CYTH3: variants seen among roughly 807,000 people sequenced by gnomAD.
CYTH3 encodes cytohesin-3.
Under a neutral mutation model 55.1 loss-of-function variants are expected in CYTH3, and 23 were observed. The ratio of observed to expected loss-of-function variants is 0.42; its 90% CI spans 0.30 to 0.59. The LOEUF (loss-of-function observed/expected upper bound fraction) is 0.59. Ranked by LOEUF, CYTH3 falls within the 20% of genes least tolerant of loss-of-function variation. The probability of loss-of-function intolerance (pLI) is 0.20; values close to 1 mark genes in which losing one functional copy is unlikely to be tolerated. For synonymous variants in CYTH3, 249 were observed against 194.9 expected (o/e 1.28, Z -2.31); for missense variants, 413 against 524.8 (o/e 0.79, Z 2.08).
Position 6,194,881 on chromosome 7 carries a change from G to A in CYTH3, c.35-4350C>T, listed in dbSNP as rs370999930. On this transcript the variant is annotated intron_variant, in intron 1 of 12. Transcript: ENST00000350796. ...TCCCAGCTACTCGGGAGGCTGAGGC[G>A]GGAGAATCACTTGAACCCAGGAGGT... Among the ~76,000 whole-genome samples, 589 of 151,632 alleles carry A rather than the reference G, an allele frequency of 3.9e-3. 5 individuals are homozygous for A. The highest frequency in any genetic ancestry group is 0.014 in the African/African-American group (566 of 41,306).
At position 6,241,755 on chromosome 7, in the gene CYTH3, G is replaced by C. The variant is rs959431860; in HGVS notation, c.34+30719C>G. On this transcript the variant is annotated intron_variant, in intron 1 of 12. Coordinates refer to ENST00000350796, the MANE Select transcript of CYTH3 (RefSeq NM_004227.4). ...GTTGCAGTGGGGAGGGAAAGAAAGG[G>C]CTAGAACAAGGCCTAGAGTACAGGA... 2.6e-5 allele frequency among the ~76,000 whole-genome samples: 4 copies of C among 152,086 alleles called. No individual in the cohort carries two copies. The East Asian group carries it at 7.7e-4, about 29-fold the overall frequency.
In CYTH3 at chr7:6,170,693, T is replaced by C. The variant is rs374212436; in HGVS notation, c.712-47A>G. On this transcript the variant is annotated intron_variant, in intron 8 of 12. Coordinates refer to ENST00000350796, the MANE Select transcript of CYTH3 (RefSeq NM_004227.4). This position sits in a 1 kb window ranked among gnomAD's most constrained non-coding sequence, Gnocchi z 7.8. Reference sequence around the variant, plus strand: ...GCCAGTTCAGAGACTCGGAGGAAAATGGCTGGCCGGGCAGAAAGCTCAGCG... The same window carrying C: ...GCCAGTTCAGAGACTCGGAGGAAAACGGCTGGCCGGGCAGAAAGCTCAGCG... 4.0e-5 allele frequency: 64 copies of C among 1,592,714 alleles called. 3 individuals carry two copies. Among genetic ancestry groups the C allele is most frequent in the East Asian group, 2.9e-4 (13 of 44,138 alleles).
At chr7:6,208,565 C>T (rs1057498895) in intron 1 of CYTH3, among the ~76,000 whole-genome samples, 13 of 152,164 alleles carry the variant, frequency 8.5e-5, no homozygotes, top group South Asian at 2.1e-4. Context: ...TTGAGAGGTG[C>T]GGCAGGATCT....
chr7:6,165,138 C>G (rs768093083), intron 12 of CYTH3, 122 bp from the exon 13 acceptor site: 11 of 1,557,350 alleles, frequency 7.1e-6, no homozygotes, highest in Non-Finnish European at 9.6e-6. Context: ...TCGGCTTTGG[C>G]AGCCCGGCCC....
chr7:6,267,534 T>C (rs969074540), intron 1 of CYTH3, among the ~76,000 whole-genome samples: 19 of 152,212 alleles, frequency 1.2e-4, no homozygotes, highest in Admixed American at 2.0e-4. Flanking sequence ...TCCCAGAATA[T>C]TTTGTTTGTT....
At chr7:6,264,272 A>T (rs1317256640) in intron 1 of CYTH3, among the ~76,000 whole-genome samples, 2 of 151,122 alleles carry the variant, frequency 1.3e-5, no homozygotes, top group African/African-American at 4.9e-5. Flanking sequence ...CAAAAAGGAG[A>T]CCTGTACATT....
chr7:6,263,634 A>G (rs896475820), intron 1 of CYTH3, among the ~76,000 whole-genome samples: 1 of 151,612 alleles, frequency 6.6e-6, no homozygotes, highest in Non-Finnish European at 1.5e-5. Context: ...TGTCTCTACT[A>G]AAAATACTAA....
intron 1 of CYTH3, among the ~76,000 whole-genome samples, chr7:6,192,859 C>A (rs921165551): frequency 6.6e-6 from 1 of 151,784 alleles, no homozygotes; most frequent in Non-Finnish European, 1.5e-5. Context: ...AAAGACATAA[C>A]AACTCCGTGC....
intron 1 of CYTH3, among the ~76,000 whole-genome samples, chr7:6,214,892 T>C (rs1321054602): frequency 3.3e-5 from 5 of 152,132 alleles, no homozygotes; most frequent in African/African-American, 9.7e-5. Flanking sequence ...TGCCTAGTCA[T>C]ACTCTTAGTA....
At chr7:6,269,122 G>A (rs1025621145) in intron 1 of CYTH3, among the ~76,000 whole-genome samples, 8 of 152,094 alleles carry the variant, frequency 5.3e-5, no homozygotes, top group African/African-American at 7.2e-5. Flanking sequence ...AATCCCAGCC[G>A]GAAGCCAGCT....
intron 1 of CYTH3, among the ~76,000 whole-genome samples, chr7:6,225,643 A>C (rs1779229958): frequency 6.6e-6 from 1 of 150,962 alleles, no homozygotes; most frequent in Admixed American, 6.6e-5. Context: ...GGTATGAGCC[A>C]CCGAGCATGG....
At position 6,170,579 on chromosome 7, in the gene CYTH3, T is replaced by TG; in HGVS notation, c.778dup (p.His260ProfsTer32). 6.2e-7 allele frequency: 1 copy of TG among 1,613,924 alleles called. No individual in the cohort carries two copies. Among genetic ancestry groups the TG allele is most frequent in the Non-Finnish European group, 8.5e-7 (1 of 1,179,874 alleles). On this transcript the variant is annotated frameshift_variant, in exon 9 of 13. Coordinates refer to ENST00000350796, the MANE Select transcript of CYTH3 (RefSeq NM_004227.4). LOFTEE classifies it high-confidence loss of function. This position sits in a 1 kb window ranked among gnomAD's most constrained non-coding sequence, Gnocchi z 7.8. ...CTCGCGGTCGGGGTTGAAGAAGGTGTGGGTCAGGTCGTTCCCGTCGTCCTC... is the reference window on the plus strand; with the variant it reads ...CTCGCGGTCGGGGTTGAAGAAGGTGTGGGGTCAGGTCGTTCCCGTCGTCCTC...
At position 6,165,549 on chromosome 7, in the gene CYTH3, T is replaced by C; in HGVS notation, c.968A>G (p.Lys323Arg). Residue 323 changes from lysine to arginine, a missense_variant, in exon 11 of 13, where the codon AAA becomes AGA. By Grantham distance (26) the Lys-to-Arg change is conservative. Transcript: ENST00000350796. The stretch of plus-strand genomic sequence containing the variant: ...GGTTCAGGAGGAAGAGCTTACGGGT[T>C]TCCGGGGGTCCTCCACCTCCCTGAT... ...LSIREVEDPR[K>R]PNCFELYNPS... The C allele has an allele frequency of 6.2e-7, 1 of 1,613,916 alleles. No homozygotes were observed. The highest frequency in any genetic ancestry group is 8.5e-7 in the Non-Finnish European group (1 of 1,179,892).
chr7:6,167,635 T>G lies in CYTH3; in HGVS notation c.824-1825A>C, dbSNP rs1783052594. Among the ~76,000 whole-genome samples, 1 of 152,206 alleles carries G rather than the reference T, an allele frequency of 6.6e-6. No homozygotes were observed. The highest frequency in any genetic ancestry group is 2.1e-4 in the South Asian group (1 of 4,830). ...CACTGCACTCAGCTTTAAACCCAAC[T>G]CCTTGGGCGGCAGCAGGGGCTGCCC... On this transcript the variant is annotated intron_variant, in intron 9 of 12. Coordinates refer to ENST00000350796, the MANE Select transcript of CYTH3 (RefSeq NM_004227.4). The surrounding 1 kb of genome is among the most constrained non-coding windows in gnomAD (Gnocchi z 5.5).
At position 6,223,157 on chromosome 7, in the gene CYTH3, C is replaced by G. The variant is rs548012860; in HGVS notation, c.35-32626G>C. On this transcript the variant is annotated intron_variant, in intron 1 of 12. Transcript: ENST00000350796. ...GAGGAGCGCCTCTGCCCGGCCGCCC[C>G]GTCTGGGAGGTGGGGGGCGCCTCTG... Among the ~76,000 whole-genome samples the G allele has an allele frequency of 3.3e-3, 505 of 152,112 alleles. 9 individuals are homozygous for G. The highest frequency in any genetic ancestry group is 2.2e-3 in the Non-Finnish European group (148 of 67,998).
At chr7:6,193,203 G>C (rs1026541406) in intron 1 of CYTH3, among the ~76,000 whole-genome samples, 1 of 151,626 alleles carries the variant, frequency 6.6e-6, no homozygotes, top group Non-Finnish European at 1.5e-5. Flanking sequence ...CAAATGACTT[G>C]CATAGGCACA....
chr7:6,170,819 G>C lies in CYTH3; in HGVS notation c.711+11C>G, dbSNP rs1215268176. 6.2e-7 allele frequency: 1 copy of C among 1,606,654 alleles called. No individual in the cohort carries two copies. The highest frequency in any genetic ancestry group is 1.3e-5 in the African/African-American group (1 of 74,918). On this transcript the variant is annotated intron_variant, in intron 8 of 12. Coordinates refer to ENST00000350796, the MANE Select transcript of CYTH3 (RefSeq NM_004227.4). The surrounding 1 kb of genome is among the most constrained non-coding windows in gnomAD (Gnocchi z 7.8). ...CTGCAGACGGCAGCGGCCGCGGGCC[G>C]GGGAGCTCACCCTCAGCAGCTCCTC...
intron 1 of CYTH3, among the ~76,000 whole-genome samples, chr7:6,261,368 G>A (rs1403002703): frequency 6.6e-6 from 1 of 152,172 alleles, no homozygotes; most frequent in Admixed American, 6.5e-5. Flanking sequence ...AACCACTAAA[G>A]GCTATAACCT....
chr7:6,185,163 C>G (rs1212258371), intron 4 of CYTH3, among the ~76,000 whole-genome samples: 1 of 149,646 alleles, frequency 6.7e-6, no homozygotes, highest in East Asian at 1.9e-4. Context: ...AATTTTCATT[C>G]CATCTTGGAG....
Sources: gnomAD v4.1 joint callset for allele counts (sites outside exome capture counted in the v4.1 genomes callset) on GRCh38, gnomAD v4.1.1 for gene constraint, Gnocchi (gnomAD v3.1) non-coding constraint, MANE v1.5 for transcripts, NCBI Gene and HGNC (gene_info 2026-07-23, HGNC 2026-07-21) for gene names.